KCNQ4: variants seen among roughly 807,000 people sequenced by gnomAD.
KCNQ4 encodes the protein potassium voltage-gated channel subfamily Q member 4.
Under a neutral mutation model 72.6 loss-of-function variants are expected in KCNQ4, and 31 were observed. That is an observed-to-expected ratio of 0.43 (90% CI 0.32 to 0.58). KCNQ4 has a LOEUF of 0.58. Among genes scored for constraint, KCNQ4 ranks in the 20% least tolerant of loss-of-function variants. KCNQ4 has a pLI of 0.08. For synonymous variants in KCNQ4, 405 were observed against 403.7 expected (o/e 1.00, Z -0.04); for missense variants, 869 against 962.6 (o/e 0.90, Z 1.29).
intron 1 of KCNQ4, among the ~76,000 whole-genome samples, chr1:40,787,054 C>A (rs1647210112): frequency 6.6e-6 from 1 of 152,092 alleles, no homozygotes; most frequent in African/African-American, 2.4e-5. Flanking sequence ...CCCAGAGACG[C>A]AGGCTGTGGC....
chr1:40,814,338 G>GC (rs1648020975), intron 1 of KCNQ4, among the ~76,000 whole-genome samples: 1 of 152,112 alleles, frequency 6.6e-6, no homozygotes, highest in Admixed American at 6.6e-5. Flanking sequence ...ACAGGCATGA[G>GC]CCACCGCACC....
At chr1:40,825,793 G>T (rs1354538377) in intron 9 of KCNQ4, among the ~76,000 whole-genome samples, 1 of 152,136 alleles carries the variant, frequency 6.6e-6, no homozygotes, top group Non-Finnish European at 1.5e-5. Flanking sequence ...AGTTCACTCT[G>T]GTCTCATTTT....
At chr1:40,798,932 C>T (rs761620579) in intron 1 of KCNQ4, among the ~76,000 whole-genome samples, 1 of 152,276 alleles carries the variant, frequency 6.6e-6, no homozygotes, top group Non-Finnish European at 1.5e-5. Context: ...CATGTGGGCA[C>T]CTGCCAGCCC....
In KCNQ4 at chr1:40,784,545, C is replaced by A. The variant is rs2148830893; in HGVS notation, c.314+138C>A. 2.4e-6 allele frequency: 2 copies of A among 832,966 alleles called. No homozygotes were observed. The highest frequency in any genetic ancestry group is 6.2e-4 in the Middle Eastern group (2 of 3,248). 51.6% of individuals were successfully genotyped at this position (832,966 alleles called of 1,614,324 possible). A position where few individuals can be genotyped will look rare whatever the true frequency, so the allele number is the denominator to read the frequency against. On this transcript the variant is annotated intron_variant, in intron 1 of 13. Transcript: ENST00000347132. This position sits in a 1 kb window ranked among gnomAD's most constrained non-coding sequence, Gnocchi z 4.1. Reference sequence around the variant, plus strand: ...TCATCTCTCTCCCCCCAGGCCTAAGCCCGGTTTCTGATCCCCTCGCTGAGC... The same window carrying A: ...TCATCTCTCTCCCCCCAGGCCTAAGACCGGTTTCTGATCCCCTCGCTGAGC...
intron 1 of KCNQ4, among the ~76,000 whole-genome samples, chr1:40,793,775 C>T (rs893673332): frequency 1.3e-5 from 2 of 152,226 alleles, no homozygotes; most frequent in Admixed American, 6.5e-5. Flanking sequence ...CTTCTGCCCA[C>T]TGCATCATCT....
intron 6 of KCNQ4, 87 bp from the exon 7 acceptor site, chr1:40,820,078 A>C (rs1648241883): frequency 6.5e-7 from 1 of 1,529,434 alleles, no homozygotes; most frequent in East Asian, 2.3e-5. Context: ...GGGGTACCTC[A>C]GAGGGGCAAG....
chr1:40,785,211 C>T (rs1647190129), intron 1 of KCNQ4, among the ~76,000 whole-genome samples: 2 of 152,218 alleles, frequency 1.3e-5, no homozygotes, highest in African/African-American at 4.8e-5. Flanking sequence ...TCACCAGGCT[C>T]CTACAACTTT....
At chr1:40,826,725 C>T (rs1227186523) in intron 9 of KCNQ4, 10 of 450,944 alleles carry the variant, frequency 2.2e-5, no homozygotes, top group South Asian at 1.6e-4. Context: ...CCTGTCCCCA[C>T]TCCTCCTTGC....
At chr1:40,834,136 C>T (rs1276154468) in intron 11 of KCNQ4, among the ~76,000 whole-genome samples, 1 of 151,838 alleles carries the variant, frequency 6.6e-6, no homozygotes, top group African/African-American at 2.4e-5. Context: ...GTGTCAAGGA[C>T]ATAGTACCTG....
In KCNQ4 at chr1:40,839,585, A is replaced by G. The variant is rs1648915585; in HGVS notation, c.*1062A>G. 6.6e-6 allele frequency: 1 copy of G among 152,088 alleles called. No individual in the cohort carries two copies. The highest frequency in any genetic ancestry group is 1.5e-5 in the Non-Finnish European group (1 of 68,058). The allele number at this position is 152,088 out of a possible 1,614,324, so 9.4% of individuals were successfully genotyped here. On this transcript the variant is annotated 3_prime_UTR_variant, in exon 14 of 14. Transcript: ENST00000347132. Reference sequence around the variant, plus strand: ...ACCCCCAACTCCATCTGAGCAGGAGAAGGAGCTTTGAAGTAACCCGAGAGC... The same window carrying G: ...ACCCCCAACTCCATCTGAGCAGGAGGAGGAGCTTTGAAGTAACCCGAGAGC...
rs542231013 is a variant in KCNQ4, at chr1:40,810,316, A to G, written c.315-6949A>G. Among the ~76,000 whole-genome samples, 7 of 152,142 alleles carry G rather than the reference A, an allele frequency of 4.6e-5. No individual in the cohort carries two copies. The East Asian group carries it at 9.7e-4, about 21-fold the overall frequency. Reference sequence around the variant, plus strand: ...CAGTTACCTCCTCCAAGAAGTCTTCACTGATCCCTCCACTTTGGTTGTGCG... The same window carrying G: ...CAGTTACCTCCTCCAAGAAGTCTTCGCTGATCCCTCCACTTTGGTTGTGCG... On this transcript the variant is annotated intron_variant, in intron 1 of 13. Coordinates refer to ENST00000347132, the MANE Select transcript of KCNQ4 (RefSeq NM_004700.4).
chr1:40,809,034 G>A (rs938312775), intron 1 of KCNQ4, among the ~76,000 whole-genome samples: 1 of 152,138 alleles, frequency 6.6e-6, no homozygotes, highest in Non-Finnish European at 1.5e-5. Flanking sequence ...AAGGGACCCA[G>A]TGACCAATGT....
At chr1:40,828,859 G>A (rs2148327986) in intron 9 of KCNQ4, among the ~76,000 whole-genome samples, 1 of 152,364 alleles carries the variant, frequency 6.6e-6, no homozygotes, top group African/African-American at 2.4e-5. Flanking sequence ...ACCCACTCCT[G>A]GGAAAACAGT....
At chr1:40,823,294 C>G (rs966455846) in intron 8 of KCNQ4, among the ~76,000 whole-genome samples, 1 of 152,200 alleles carries the variant, frequency 6.6e-6, no homozygotes, top group Non-Finnish European at 1.5e-5. Flanking sequence ...CATCTCTCCA[C>G]CCGGCAGAGG....
At chr1:40,801,677 AG>A (rs761646734) in intron 1 of KCNQ4, among the ~76,000 whole-genome samples, 34 of 152,184 alleles carry the variant, frequency 2.2e-4, no homozygotes, top group Non-Finnish European at 4.0e-4. Flanking sequence ...GCCTGGGAAC[AG>A]GGACTCTTCC....
intron 1 of KCNQ4, among the ~76,000 whole-genome samples, chr1:40,799,124 G>C (rs185840881): frequency 6.6e-6 from 1 of 152,364 alleles, no homozygotes; most frequent in African/African-American, 2.4e-5. Flanking sequence ...TCAGATCCCT[G>C]GCATACACCC....
chr1:40,807,490 C>T (rs1000345316), intron 1 of KCNQ4, among the ~76,000 whole-genome samples: 2 of 152,152 alleles, frequency 1.3e-5, no homozygotes, highest in African/African-American at 2.4e-5. Flanking sequence ...TATTTAGAAT[C>T]GCTGGATCAG....
intron 1 of KCNQ4, among the ~76,000 whole-genome samples, chr1:40,802,321 A>G (rs1647603532): frequency 6.6e-6 from 1 of 151,842 alleles, no homozygotes; most frequent in Non-Finnish European, 1.5e-5. Context: ...GCACCTTCAC[A>G]CTTTCCGCTT....
At chr1:40,787,110 G>C (rs1078110) in intron 1 of KCNQ4, among the ~76,000 whole-genome samples, 48,524 of 152,062 alleles carry the variant, frequency 0.32, 7,746 homozygotes, top group African/African-American at 0.34. Context: ...GGCTCTGGGC[G>C]GGGCGCAGTG....
Sources: gnomAD v4.1 joint callset for allele counts (sites outside exome capture counted in the v4.1 genomes callset) on GRCh38, gnomAD v4.1.1 for gene constraint, Gnocchi (gnomAD v3.1) non-coding constraint, MANE v1.5 for transcripts, NCBI Gene and HGNC (gene_info 2026-07-23, HGNC 2026-07-21) for gene names.